WWOX: variants seen among roughly 807,000 people sequenced by gnomAD.
WWOX encodes WW domain containing oxidoreductase.
In WWOX, 69 loss-of-function variants were observed where a neutral mutation model predicts 46.2. The observed-to-expected ratio is 1.49, with a 90% CI of 1.23 to 1.82. The LOEUF is 1.82. WWOX is among the 40% of genes most tolerant of loss of function. The pLI is 0.00. For missense variants in WWOX, 919 were observed against 542.6 expected, an observed-to-expected ratio of 1.69 and a Z score of -6.89; for synonymous variants, 359 against 202.6, an observed-to-expected ratio of 1.77 and a Z score of -6.56.
At chr16:78,266,535 A>G (rs2079366196) in intron 5 of WWOX, among the ~76,000 whole-genome samples, 1 of 152,152 alleles carries the variant, frequency 6.6e-6, no homozygotes, top group South Asian at 2.1e-4. Flanking sequence ...GCAGGATAGC[A>G]TAGGGTGACC....
At chr16:78,400,517 C>G (rs950017348) in intron 6 of WWOX, among the ~76,000 whole-genome samples, 2 of 152,042 alleles carry the variant, frequency 1.3e-5, no homozygotes, top group African/African-American at 4.8e-5. Context: ...AATGGCTGGA[C>G]AGAAGGAAGA....
intron 8 of WWOX, among the ~76,000 whole-genome samples, chr16:78,608,722 CA>C (rs1232389705): frequency 6.6e-6 from 1 of 152,170 alleles, no homozygotes; most frequent in African/African-American, 2.4e-5. Context: ...TTACAGTTCC[CA>C]GCTGCTCATT....
At chr16:78,820,032 C>A (rs979690375) in intron 8 of WWOX, among the ~76,000 whole-genome samples, 2 of 152,166 alleles carry the variant, frequency 1.3e-5, no homozygotes, top group East Asian at 3.8e-4. Flanking sequence ...AATAAAATAA[C>A]TCTGGCATTG....
intron 8 of WWOX, among the ~76,000 whole-genome samples, chr16:78,523,076 AAAAT>A (rs1471492114): frequency 2.0e-5 from 3 of 152,140 alleles, no homozygotes; most frequent in Admixed American, 6.5e-5. Context: ...ATCCCCCAAA[AAAAT>A]AAATAAATAA....
At chr16:78,696,670 A>C (rs535544650) in intron 8 of WWOX, among the ~76,000 whole-genome samples, 2 of 151,572 alleles carry the variant, frequency 1.3e-5, no homozygotes, top group South Asian at 4.2e-4. Context: ...AATTTTTTTA[A>C]ATTTCCACCT....
chr16:78,553,525 T>C (rs2044221212), intron 8 of WWOX, among the ~76,000 whole-genome samples: 1 of 152,034 alleles, frequency 6.6e-6, no homozygotes, highest in South Asian at 2.1e-4. Context: ...ATTTGAACTG[T>C]GGTTACCAGT....
chr16:78,817,826 G>T (rs142435981), intron 8 of WWOX, among the ~76,000 whole-genome samples: 19 of 152,160 alleles, frequency 1.2e-4, no homozygotes, highest in Non-Finnish European at 2.6e-4. Context: ...AGTCACCCCA[G>T]TGAAAAGTTT....
Position 78,473,979 on chromosome 16 carries a change from C to A in WWOX, c.1056+41227C>A, listed in dbSNP as rs1484788277. On this transcript the variant is annotated intron_variant, in intron 8 of 8. Transcript: ENST00000566780. ...GGAACTTCTGTTCGAAATGAATAGT[C>A]TTGAAATATGTCATAAAGTTACCTA... Among the ~76,000 whole-genome samples, 4 of 152,150 alleles carry A rather than the reference C, an allele frequency of 2.6e-5. No homozygotes were observed. The East Asian group carries it at 7.7e-4, about 29-fold the overall frequency.
At chr16:78,842,462 T>A (rs1441579064) in intron 8 of WWOX, among the ~76,000 whole-genome samples, 1 of 151,908 alleles carries the variant, frequency 6.6e-6, no homozygotes, top group Non-Finnish European at 1.5e-5. Context: ...AGGATCACGC[T>A]ACTTTACTTC....
chr16:78,107,500 AT>A (rs1471880861), intron 1 of WWOX, among the ~76,000 whole-genome samples: 1 of 152,174 alleles, frequency 6.6e-6, no homozygotes, highest in Non-Finnish European at 1.5e-5. Flanking sequence ...TGCTAGGATT[AT>A]TTCCATTTTG....
In WWOX at chr16:78,913,370, A is replaced by T. The variant is rs575874671; in HGVS notation, c.1057-298238A>T. On this transcript the variant is annotated intron_variant, in intron 8 of 8. Coordinates refer to ENST00000566780, the MANE Select transcript of WWOX (RefSeq NM_016373.4). The stretch of plus-strand genomic sequence containing the variant: ...CAGCCATGTGCCTGAGTCTTGGCCA[A>T]TGGACTGTTGGAAGACGAGACGTTG... Among the ~76,000 whole-genome samples, 184 of 152,034 alleles carry T rather than the reference A, an allele frequency of 1.2e-3. 2 individuals carry two copies. The highest frequency in any genetic ancestry group is 0.011 in the South Asian group (55 of 4,820).
At chr16:78,153,301 A>G (rs745708193) in intron 4 of WWOX, among the ~76,000 whole-genome samples, 4 of 152,178 alleles carry the variant, frequency 2.6e-5, no homozygotes, top group Admixed American at 2.6e-4. Context: ...GGATTTCAAG[A>G]TCATCGTCAA....
intron 8 of WWOX, among the ~76,000 whole-genome samples, chr16:79,074,638 G>A (rs1359973075): frequency 6.6e-6 from 1 of 151,802 alleles, no homozygotes; most frequent in East Asian, 1.9e-4. Flanking sequence ...GAGTCTCCAT[G>A]AGGATTAGAT....
At position 78,348,314 on chromosome 16, in the gene WWOX, A is replaced by G. The variant is rs1240149512; in HGVS notation, c.517-38546A>G. Among the ~76,000 whole-genome samples, 2 of 121,382 alleles carry G rather than the reference A, an allele frequency of 1.6e-5. 1 individual carries two copies. The highest frequency in any genetic ancestry group is 3.9e-5 in the Non-Finnish European group (2 of 50,776). 79.6% of individuals were successfully genotyped at this position (121,382 alleles called of 152,430 possible). A position where few individuals can be genotyped will look rare whatever the true frequency, so the allele number is the denominator to read the frequency against. ...ACGTACAAGTCAAGCTGCCTCTGTA[A>G]TGTCACTTATATCCAGGAAAGAGTG... On this transcript the variant is annotated intron_variant, in intron 5 of 8. Transcript: ENST00000566780.
chr16:78,193,457 T>C (rs1302221110), intron 5 of WWOX, among the ~76,000 whole-genome samples: 1 of 59,494 alleles, frequency 1.7e-5, no homozygotes, highest in Non-Finnish European at 3.5e-5. Flanking sequence ...AAACATTAAC[T>C]AGTCTTATTT....
intron 8 of WWOX, among the ~76,000 whole-genome samples, chr16:79,122,248 T>G (rs1292555649): frequency 2.0e-5 from 3 of 152,140 alleles, no homozygotes; most frequent in African/African-American, 7.2e-5. Flanking sequence ...TCAGGTAGTG[T>G]TAGAAATTTA....
At chr16:79,087,329 G>A (rs76429410) in intron 8 of WWOX, among the ~76,000 whole-genome samples, 5,001 of 152,350 alleles carry the variant, frequency 0.033, 131 homozygotes, top group Non-Finnish European at 0.046. Flanking sequence ...GAGCAGGGAA[G>A]AAGCTGAAGC....
intron 8 of WWOX, among the ~76,000 whole-genome samples, chr16:79,055,111 A>T (rs1318264431): frequency 6.6e-6 from 1 of 152,210 alleles, no homozygotes; most frequent in South Asian, 2.1e-4. Context: ...TAAATAATCC[A>T]TATGAGACAA....
intron 6 of WWOX, among the ~76,000 whole-genome samples, chr16:78,404,710 T>G (rs533733336): frequency 4.6e-5 from 7 of 152,268 alleles, no homozygotes; most frequent in African/African-American, 1.7e-4. Context: ...TATGTTGAAG[T>G]GAGGCTAGTA....
Sources: allele counts gnomAD v4.1 joint callset (sites outside exome capture counted in the v4.1 genomes callset), GRCh38; gene constraint gnomAD v4.1.1; transcripts MANE v1.5; gene names NCBI Gene and HGNC (gene_info 2026-07-23, HGNC 2026-07-21).